FAM118B: variants seen among roughly 807,000 people sequenced by gnomAD.
FAM118B encodes the protein protein FAM118B.
FAM118B carries 24 observed loss-of-function variants against 38.5 expected under a neutral mutation model. That is an observed-to-expected ratio of 0.62 (90% CI 0.45 to 0.88). The LOEUF is 0.88. Ranked by LOEUF, FAM118B falls within the 40% of genes least tolerant of loss-of-function variation. The probability of loss-of-function intolerance (pLI) is 0.00; values close to 1 mark genes in which losing one functional copy is unlikely to be tolerated. For synonymous variants in FAM118B, 138 were observed against 156.3 expected, an observed-to-expected ratio of 0.88 and a Z score of 0.87; for missense variants, 334 against 420.0, an observed-to-expected ratio of 0.80 and a Z score of 1.79.
At chr11:126,247,109 A>G (rs541214276) in intron 4 of FAM118B, among the ~76,000 whole-genome samples, 36 of 152,304 alleles carry the variant, frequency 2.4e-4, no homozygotes, top group Admixed American at 9.8e-4. Context: ...CTTGGGCAAC[A>G]TAGTGAGACC....
At chr11:126,224,736 G>T (rs1416848885) in intron 1 of FAM118B, among the ~76,000 whole-genome samples, 1 of 152,208 alleles carries the variant, frequency 6.6e-6, no homozygotes, top group African/African-American at 2.4e-5. Context: ...CAAGGTCGGG[G>T]TGTACCAGGC....
At chr11:126,220,121 T>C (rs896188767) in intron 1 of FAM118B, among the ~76,000 whole-genome samples, 2 of 152,202 alleles carry the variant, frequency 1.3e-5, no homozygotes, top group Admixed American at 6.5e-5. Context: ...TAGCTCCACG[T>C]TGGAGGAAGG....
rs183926559 is a variant in FAM118B, at chr11:126,259,570, C to T, written c.983-1855C>T. Among the ~76,000 whole-genome samples, 357 of 151,826 alleles carry T rather than the reference C, an allele frequency of 2.4e-3. 2 individuals carry two copies. Among genetic ancestry groups the T allele is most frequent in the African/African-American group, 7.9e-3 (326 of 41,410 alleles). On this transcript the variant is annotated intron_variant, in intron 7 of 8. Coordinates refer to ENST00000533050, the MANE Select transcript of FAM118B (RefSeq NM_024556.4). Reference sequence around the variant, plus strand: ...CCTCCTGAGTGGCTGGAACTATAGGCGCCCACCACCATGCCCGGCTAATTT... The same window carrying T: ...CCTCCTGAGTGGCTGGAACTATAGGTGCCCACCACCATGCCCGGCTAATTT...
At chr11:126,245,723 G>A (rs893557570) in intron 4 of FAM118B, among the ~76,000 whole-genome samples, 4 of 152,096 alleles carry the variant, frequency 2.6e-5, no homozygotes, top group African/African-American at 7.2e-5. Flanking sequence ...GAGGCCGAGC[G>A]CAGTGGCTAA....
At chr11:126,212,511 G>A (rs760363081) in intron 1 of FAM118B, among the ~76,000 whole-genome samples, 52 of 152,210 alleles carry the variant, frequency 3.4e-4, no homozygotes, top group Non-Finnish European at 6.5e-4. Context: ...ACTCAGGGGT[G>A]GCTGGGAAGA....
chr11:126,220,431 C>T (rs559720432), intron 1 of FAM118B, among the ~76,000 whole-genome samples: 1 of 152,062 alleles, frequency 6.6e-6, no homozygotes, highest in South Asian at 2.1e-4. Context: ...TGATGCTTGG[C>T]TGGGCTTGGT....
At chr11:126,247,459 C>A (rs1591521359) in intron 4 of FAM118B, among the ~76,000 whole-genome samples, 1 of 152,114 alleles carries the variant, frequency 6.6e-6, no homozygotes, top group African/African-American at 2.4e-5. Context: ...TTAACCTTTT[C>A]TATTCTTTTT....
Position 126,250,734 on chromosome 11 carries a change from G to T in FAM118B, c.567+1G>T. 1 of 1,602,886 alleles carries T rather than the reference G, an allele frequency of 6.2e-7. No individual in the cohort carries two copies. Among genetic ancestry groups the T allele is most frequent in the Admixed American group, 1.7e-5 (1 of 59,774 alleles). On this transcript the variant is annotated splice_donor_variant, in intron 5 of 8. Transcript: ENST00000533050. LOFTEE classifies it high-confidence loss of function. The surrounding 1 kb of genome is among the most constrained non-coding windows in gnomAD (Gnocchi z 5.1). Reference sequence around the variant, plus strand: ...CCTTGACCTTACTGATGAGAAAAAGGTAAAAAGTAAAGCATTGGTCCCTTC... The same window carrying T: ...CCTTGACCTTACTGATGAGAAAAAGTTAAAAAGTAAAGCATTGGTCCCTTC...
At chr11:126,213,864 C>T (rs1398832718) in intron 1 of FAM118B, among the ~76,000 whole-genome samples, 1 of 152,188 alleles carries the variant, frequency 6.6e-6, no homozygotes, top group Non-Finnish European at 1.5e-5. Context: ...ATATTGGTCC[C>T]TTTTTTCTGG....
At chr11:126,222,012 G>A (rs1198787685) in intron 1 of FAM118B, among the ~76,000 whole-genome samples, 3 of 152,198 alleles carry the variant, frequency 2.0e-5, no homozygotes. Context: ...CTCCAAAGGT[G>A]TAGACTTGTT....
intron 4 of FAM118B, among the ~76,000 whole-genome samples, chr11:126,243,631 C>T (rs564602803): frequency 3.4e-4 from 51 of 152,154 alleles, no homozygotes; most frequent in Non-Finnish European, 5.4e-4. Context: ...AGGCCAGGTG[C>T]GGTGGCTCAC....
chr11:126,243,457 C>G (rs1950383103), intron 4 of FAM118B, among the ~76,000 whole-genome samples: 1 of 151,502 alleles, frequency 6.6e-6, no homozygotes. Flanking sequence ...GAGCAAGACC[C>G]TGTCTGCCTC....
chr11:126,220,418 G>T (rs1407999578), intron 1 of FAM118B, among the ~76,000 whole-genome samples: 12 of 150,406 alleles, frequency 8.0e-5, no homozygotes, highest in African/African-American at 2.9e-4. Context: ...TTTTTTTTAA[G>T]ACTGATGCTT....
At chr11:126,258,905 TAA>T (rs1273586752) in intron 7 of FAM118B, among the ~76,000 whole-genome samples, 2 of 152,372 alleles carry the variant, frequency 1.3e-5, no homozygotes, top group African/African-American at 4.8e-5. Flanking sequence ...CTTAGTGCAC[TAA>T]GATTGCTCTA....
At chr11:126,228,211 T>A (rs1190500484) in intron 1 of FAM118B, among the ~76,000 whole-genome samples, 3 of 151,910 alleles carry the variant, frequency 2.0e-5, no homozygotes, top group Admixed American at 1.3e-4. Context: ...TTTGGTTTTG[T>A]TTTTTGAGAC....
intron 7 of FAM118B, 83 bp from the exon 8 acceptor site, chr11:126,261,342 C>G: frequency 1.3e-4 from 133 of 1,048,520 alleles, no homozygotes; most frequent in Non-Finnish European, 1.8e-4. Flanking sequence ...TACCATATGT[C>G]CTCATCTCCC....
chr11:126,219,349 CTTTTTTTTTTTTTTTTTTTT>C (rs549922825), intron 1 of FAM118B, among the ~76,000 whole-genome samples: 26 of 44,466 alleles, frequency 5.8e-4, no homozygotes, highest in African/African-American at 1.8e-3. Context: ...TCTTGTTTAT[CTTTTTTTTTTTTTTTTTTTT>C]TTTTTTTTTT....
intron 4 of FAM118B, among the ~76,000 whole-genome samples, chr11:126,248,449 CA>C (rs1275983289): frequency 8.0e-6 from 1 of 125,754 alleles, no homozygotes; most frequent in Non-Finnish European, 1.6e-5. Flanking sequence ...TGGCTCACTA[CA>C]ACCTCTGCCT....
chr11:126,221,416 A>T (rs1950060681), intron 1 of FAM118B, among the ~76,000 whole-genome samples: 1 of 152,216 alleles, frequency 6.6e-6, no homozygotes, highest in African/African-American at 2.4e-5. Context: ...GAAAGAAATA[A>T]TGGCCTATAA....
Sources: gnomAD v4.1 joint callset for allele counts (sites outside exome capture counted in the v4.1 genomes callset) on GRCh38, gnomAD v4.1.1 for gene constraint, Gnocchi (gnomAD v3.1) non-coding constraint, MANE v1.5 for transcripts, NCBI Gene and HGNC (gene_info 2026-07-23, HGNC 2026-07-21) for gene names.